RBFOX1: variants seen among roughly 807,000 people sequenced by gnomAD.
RBFOX1 encodes RNA binding fox-1 homolog 1.
RBFOX1 carries 8 observed loss-of-function variants against 57.7 expected under a neutral mutation model. The observed-to-expected ratio is 0.14, with a 90% CI of 0.08 to 0.25. The LOEUF (loss-of-function observed/expected upper bound fraction) is 0.25, where lower values mean the gene tolerates loss of function less well. Among genes scored for constraint, RBFOX1 ranks in the 10% least tolerant of loss-of-function variants. RBFOX1 has a pLI of 1.00. For missense variants in RBFOX1, 611 were observed against 548.5 expected, an observed-to-expected ratio of 1.11 and a Z score of -1.14; for synonymous variants, 326 against 222.4, an observed-to-expected ratio of 1.47 and a Z score of -4.15.
At chr16:7,291,825 C>G (rs1425270210) in intron 4 of RBFOX1, among the ~76,000 whole-genome samples, 1 of 150,186 alleles carries the variant, frequency 6.7e-6, no homozygotes, top group Non-Finnish European at 1.5e-5. Flanking sequence ...ATCATTACTG[C>G]AAATCCTTCA....
At chr16:6,532,871 C>G (rs978946145) in intron 2 of RBFOX1, among the ~76,000 whole-genome samples, 2 of 152,182 alleles carry the variant, frequency 1.3e-5, no homozygotes, top group African/African-American at 4.8e-5. Flanking sequence ...AATTGAAGAC[C>G]CTTCTCTGGC....
At chr16:6,937,411 A>G (rs1015811530) in intron 3 of RBFOX1, among the ~76,000 whole-genome samples, 17 of 151,546 alleles carry the variant, frequency 1.1e-4, no homozygotes, top group African/African-American at 4.1e-4. Context: ...CTTTTTTTTT[A>G]TAGTTTTCTA....
chr16:7,328,498 A>AG (rs1238521827), intron 4 of RBFOX1: 2 of 151,582 alleles, frequency 1.3e-5, no homozygotes, highest in East Asian at 1.9e-4. Flanking sequence ...AAAAAAAAAA[A>AG]AAGAAGACCT....
At chr16:7,275,868 G>C (rs1248572338) in intron 4 of RBFOX1, among the ~76,000 whole-genome samples, 1 of 152,184 alleles carries the variant, frequency 6.6e-6, no homozygotes, top group Non-Finnish European at 1.5e-5. Context: ...CTGTGCAGAA[G>C]GATCTGAGAG....
chr16:7,636,104 C>G (rs995717682), intron 11 of RBFOX1, among the ~76,000 whole-genome samples: 2 of 152,190 alleles, frequency 1.3e-5, no homozygotes, highest in African/African-American at 4.8e-5. Flanking sequence ...GCCACTGCGC[C>G]CAGCCCAAGC....
intron 4 of RBFOX1, among the ~76,000 whole-genome samples, chr16:5,960,774 C>A (rs145798406): frequency 6.6e-6 from 1 of 152,170 alleles, no homozygotes; most frequent in Non-Finnish European, 1.5e-5. Context: ...AGCCAAACAT[C>A]CCTTTGATTT....
At chr16:6,558,604 A>T (rs532872658) in intron 2 of RBFOX1, among the ~76,000 whole-genome samples, 1 of 152,152 alleles carries the variant, frequency 6.6e-6, no homozygotes, top group Non-Finnish European at 1.5e-5. Flanking sequence ...TGTCCTGGGG[A>T]TATGGCAGTT....
intron 2 of RBFOX1, among the ~76,000 whole-genome samples, chr16:6,344,003 C>T (rs916282224): frequency 1.3e-5 from 2 of 152,198 alleles, no homozygotes; most frequent in African/African-American, 4.8e-5. Context: ...CTCTCCTGGG[C>T]ATCGGAGACT....
At chr16:7,413,850 G>A (rs1173806090) in intron 4 of RBFOX1, among the ~76,000 whole-genome samples, 1 of 152,044 alleles carries the variant, frequency 6.6e-6, no homozygotes, top group African/African-American at 2.4e-5. Context: ...TATAAATTGA[G>A]GTTGATGAGA....
At chr16:6,783,703 C>G (rs2081424043) in intron 3 of RBFOX1, among the ~76,000 whole-genome samples, 1 of 151,984 alleles carries the variant, frequency 6.6e-6, no homozygotes, top group African/African-American at 2.4e-5. Flanking sequence ...TTAGAATATT[C>G]TGTATTTATT....
At chr16:6,874,253 T>G (rs976964019) in intron 3 of RBFOX1, among the ~76,000 whole-genome samples, 1 of 152,104 alleles carries the variant, frequency 6.6e-6, no homozygotes, top group African/African-American at 2.4e-5. Flanking sequence ...TTCACACTTG[T>G]AATCCCAGCA....
chr16:7,243,670 C>A (rs1171713213), intron 4 of RBFOX1, among the ~76,000 whole-genome samples: 1 of 152,104 alleles, frequency 6.6e-6, no homozygotes, highest in African/African-American at 2.4e-5. Context: ...AGCTCAGCCT[C>A]CCAAGTAGCT....
chr16:5,734,427 AAAAAT>A (rs544312249), intron 3 of RBFOX1, among the ~76,000 whole-genome samples: 80 of 152,304 alleles, frequency 5.3e-4, no homozygotes, highest in Non-Finnish European at 8.7e-4. Flanking sequence ...GATTCTGCCA[AAAAAT>A]AAAATAAAAA....
At chr16:7,134,969 G>T (rs2071522306) in intron 4 of RBFOX1, among the ~76,000 whole-genome samples, 3 of 151,718 alleles carry the variant, frequency 2.0e-5, no homozygotes, top group Non-Finnish European at 1.5e-5. Context: ...CCAAGAGAGA[G>T]AGATGAATTA....
chr16:6,864,423 C>A (rs777771729), intron 3 of RBFOX1, among the ~76,000 whole-genome samples: 1 of 152,016 alleles, frequency 6.6e-6, no homozygotes. Flanking sequence ...TGTGAAATCA[C>A]CAACAATTCA....
intron 3 of RBFOX1, among the ~76,000 whole-genome samples, chr16:6,915,102 G>C (rs550432223): frequency 3.8e-4 from 58 of 152,288 alleles, no homozygotes; most frequent in African/African-American, 1.4e-3. Context: ...CTGAGAACTG[G>C]CCTGCGGTCC....
chr16:7,255,099 TC>T (rs932905108), intron 4 of RBFOX1, among the ~76,000 whole-genome samples: 1 of 152,126 alleles, frequency 6.6e-6, no homozygotes, highest in African/African-American at 2.4e-5. Flanking sequence ...TTAGGGAGTA[TC>T]CCCAATGTGC....
chr16:6,465,222 G>A (rs908341893), intron 2 of RBFOX1, among the ~76,000 whole-genome samples: 9 of 152,084 alleles, frequency 5.9e-5, no homozygotes, highest in African/African-American at 2.2e-4. Context: ...GAGAGGCAGA[G>A]TAGGTTATTT....
intron 2 of RBFOX1, among the ~76,000 whole-genome samples, chr16:5,503,225 C>G (rs2043259680): frequency 6.6e-6 from 1 of 152,194 alleles, no homozygotes; most frequent in African/African-American, 2.4e-5. Context: ...CCCCATGTAT[C>G]TTTGCACTTA....
Sources: gnomAD v4.1 joint callset for allele counts (sites outside exome capture counted in the v4.1 genomes callset) on GRCh38, gnomAD v4.1.1 for gene constraint, MANE v1.5 for transcripts, NCBI Gene and HGNC (gene_info 2026-07-23, HGNC 2026-07-21) for gene names.